Variants in TTC6 observed in about 807,000 individuals in gnomAD.
TTC6 encodes the protein tetratricopeptide repeat protein 6.
In TTC6, 172 loss-of-function variants were observed where a neutral mutation model predicts 210.4. The observed-to-expected ratio is 0.82, with a 90% confidence interval of 0.72 to 0.93. The LOEUF is 0.93. Ranked by LOEUF, TTC6 falls within the 40% of genes least tolerant of loss-of-function variation. The pLI, the probability that TTC6 is intolerant of heterozygous loss-of-function variation, is 0.00. For missense variants in TTC6, 2,414 were observed against 2,318.1 expected, an observed-to-expected ratio of 1.04 and a Z score of -0.85; for synonymous variants, 804 against 819.6, an observed-to-expected ratio of 0.98 and a Z score of 0.32.
chr14:37,670,515 G>A (rs561356305), intron 1 of TTC6, among the ~76,000 whole-genome samples: 3 of 138,846 alleles, frequency 2.2e-5, no homozygotes, highest in African/African-American at 7.9e-5. Context: ...CTGTTGTCGA[G>A]GCTGGAGTGC....
At chr14:37,748,877 T>A (rs2095943671) in intron 10 of TTC6, 62 bp from the exon 13 acceptor site, 1 of 1,305,050 alleles carries the variant, frequency 7.7e-7, no homozygotes. Flanking sequence ...CTGAGTTGAT[T>A]TACTGATTAG....
At chr14:37,768,717 T>G (rs191143912) in intron 14 of TTC6, among the ~76,000 whole-genome samples, 1,937 of 152,142 alleles carry the variant, frequency 0.013, 27 homozygotes, top group Non-Finnish European at 0.018. Context: ...ACAATGGGGT[T>G]TTCTAGATAT....
intron 1 of TTC6, among the ~76,000 whole-genome samples, chr14:37,628,252 C>T (rs922572940): frequency 6.6e-6 from 1 of 152,204 alleles, no homozygotes; most frequent in Non-Finnish European, 1.5e-5. Context: ...GGATGAAAGG[C>T]ATGAGCCACT....
intron 23 of TTC6, among the ~76,000 whole-genome samples, chr14:37,808,397 G>A (rs1210214175): frequency 1.3e-5 from 2 of 152,144 alleles, no homozygotes; most frequent in Non-Finnish European, 2.9e-5. Context: ...AATGTTTGCT[G>A]CATTAATATG....
rs1440322498 is a variant in TTC6 at position 37,841,868 on chromosome 14, G to A, written c.5524+198G>A. On this transcript the variant is annotated intron_variant, in intron 30 of 30. Transcript: ENST00000553443. ...TTAACTTAAAGCTGTGGTAAACTGA[G>A]ATATAGGGAATTATTACAAAACTAT... Among the ~76,000 whole-genome samples the A allele has an allele frequency of 2.6e-5, 4 of 152,114 alleles. No individual in the cohort carries two copies. The East Asian group carries it at 7.7e-4, about 29-fold the overall frequency.
intron 29 of TTC6, among the ~76,000 whole-genome samples, chr14:37,835,497 A>ATT (rs1159231032): frequency 6.6e-6 from 1 of 152,136 alleles, no homozygotes; most frequent in Non-Finnish European, 1.5e-5. Flanking sequence ...GTGGCCCTTG[A>ATT]TGGGAGCAGA....
At position 37,808,811 on chromosome 14, in the gene TTC6, GC is replaced by G. The variant is rs1595296769; in HGVS notation, c.4535del (p.Ala1512AspfsTer7). On this transcript the variant is annotated frameshift_variant, in exon 24 of 31. Coordinates refer to ENST00000553443, the Ensembl canonical transcript of TTC6. LOFTEE classifies it high-confidence loss of function. ...TAGTTATACAGCATTTTATAACAGA[GC>G]ATTATGTTACACCAAGATAAGGGAA... 5.2e-6 allele frequency: 8 copies of G among 1,541,600 alleles called. No individual in the cohort carries two copies. The East Asian group carries it at 2.0e-4, about 38-fold the overall frequency.
chr14:37,615,591 AT>A (rs1312738047), intron 2 of TTC6, among the ~76,000 whole-genome samples: 3 of 152,052 alleles, frequency 2.0e-5, no homozygotes, highest in African/African-American at 4.8e-5. Context: ...ATTTTCAGGT[AT>A]AAAATTTCTA....
At chr14:37,832,353 T>A (rs972007440) in intron 29 of TTC6, among the ~76,000 whole-genome samples, 3 of 82,156 alleles carry the variant, frequency 3.7e-5, no homozygotes, top group East Asian at 4.2e-4. Flanking sequence ...TTTTTTTTTT[T>A]ACTAATTTTG....
Position 37,742,974 on chromosome 14 carries a change from A to G in TTC6, c.2363+3819A>G, listed in dbSNP as rs529862193. ...AATATCCCTTGATTTGGGTAGTAAA[A>G]TCGTCCTTATTTTTATATCAACGAT... On this transcript the variant is annotated intron_variant, in intron 10 of 30. Coordinates refer to ENST00000553443, the Ensembl canonical transcript of TTC6. 4.0e-4 allele frequency among the ~76,000 whole-genome samples: 61 copies of G among 152,272 alleles called. No individual in the cohort carries two copies. In the South Asian group the frequency reaches 0.012, roughly 31 times the overall value.
chr14:37,835,896 C>T (rs1335801388), intron 29 of TTC6, among the ~76,000 whole-genome samples: 2 of 152,090 alleles, frequency 1.3e-5, no homozygotes, highest in Admixed American at 6.6e-5. Flanking sequence ...TCTCTATCTC[C>T]TTACTCTGTA....
chr14:37,774,483 A>C (rs1480640157), intron 14 of TTC6, among the ~76,000 whole-genome samples: 3 of 152,048 alleles, frequency 2.0e-5, no homozygotes, highest in Non-Finnish European at 4.4e-5. Context: ...TTCTGCGTCT[A>C]TTGAGTTAAT....
intron 16 of TTC6, among the ~76,000 whole-genome samples, chr14:37,791,555 G>A (rs1383750380): frequency 2.6e-5 from 4 of 152,092 alleles, no homozygotes; most frequent in Admixed American, 6.6e-5. Context: ...ATGGAGCATG[G>A]CTCCCATAAT....
intron 1 of TTC6, among the ~76,000 whole-genome samples, chr14:37,666,261 C>T (rs538078006): frequency 6.7e-6 from 1 of 149,844 alleles, no homozygotes; most frequent in South Asian, 2.1e-4. Context: ...CATCGATCTG[C>T]TTTATACACT....
intron 10 of TTC6, among the ~76,000 whole-genome samples, chr14:37,741,273 C>CTTTTT (rs10600031): frequency 1.2e-5 from 1 of 82,278 alleles, no homozygotes; most frequent in African/African-American, 5.6e-5. Flanking sequence ...TTTTTTCCCA[C>CTTTTT]TTTTTTTTTT....
exon 13 of TTC6, chr14:37,751,156 T>A (rs1453488747): frequency 6.5e-7 from 1 of 1,532,746 alleles, no homozygotes; most frequent in East Asian, 2.5e-5. Flanking sequence ...CAGATGCTGA[T>A]ATCTATTTCA....
chr14:37,655,712 C>T lies in TTC6; in HGVS notation c.940-24439C>T, dbSNP rs143185378. On this transcript the variant is annotated intron_variant, in intron 1 of 30. Coordinates refer to ENST00000553443, the Ensembl canonical transcript of TTC6. ...ACAATGAAATAAGACTGTGAATTCCCAAGAAATACGATGACATTCAGGAAC... is the reference window on the plus strand; with the variant it reads ...ACAATGAAATAAGACTGTGAATTCCTAAGAAATACGATGACATTCAGGAAC... 3.0e-4 allele frequency among the ~76,000 whole-genome samples: 45 copies of T among 152,256 alleles called. 1 individual carries two copies. In the East Asian group the frequency reaches 7.9e-3, roughly 27 times the overall value.
At chr14:37,832,886 T>C (rs7143965) in intron 29 of TTC6, among the ~76,000 whole-genome samples, 133,645 of 151,698 alleles carry the variant, frequency 0.88, 59,526 homozygotes, top group Non-Finnish European at 0.95. Context: ...GGTGAAACCC[T>C]GCCTCTACTA....
At chr14:37,604,465 C>G (rs956885872) in intron 1 of TTC6, among the ~76,000 whole-genome samples, 1 of 152,082 alleles carries the variant, frequency 6.6e-6, no homozygotes, top group Non-Finnish European at 1.5e-5. Flanking sequence ...TCCCCCTAGG[C>G]GAGAGAGGGA....
Sources: gnomAD v4.1 joint callset for allele counts (sites outside exome capture counted in the v4.1 genomes callset) on GRCh38, gnomAD v4.1.1 for gene constraint, MANE v1.5 for transcripts, NCBI Gene and HGNC (gene_info 2026-07-23, HGNC 2026-07-21) for gene names.